Variants in MYO5B observed in about 807,000 individuals in gnomAD.
MYO5B encodes myosin VB, also known as unconventional myosin-Vb.
Under a neutral mutation model 229.3 loss-of-function variants are expected in MYO5B, and 143 were observed. The ratio of observed to expected loss-of-function variants is 0.62; its 90% CI spans 0.54 to 0.72. The LOEUF (loss-of-function observed/expected upper bound fraction) is 0.72. Among genes scored for constraint, MYO5B ranks in the 30% least tolerant of loss-of-function variants. The probability of loss-of-function intolerance (pLI) is 0.00; values close to 1 mark genes in which losing one functional copy is unlikely to be tolerated. For missense variants in MYO5B, 2,321 were observed against 2,331.0 expected (o/e 1.00, Z 0.09); for synonymous variants, 918 against 885.2 (o/e 1.04, Z -0.66).
At chr18:49,940,186 A>C (rs2025298757) in intron 14 of MYO5B, among the ~76,000 whole-genome samples, 1 of 152,242 alleles carries the variant, frequency 6.6e-6, no homozygotes, top group Non-Finnish European at 1.5e-5. Flanking sequence ...AGGTGAATTC[A>C]AAAAGTCCTA....
intron 38 of MYO5B, among the ~76,000 whole-genome samples, chr18:49,836,191 T>C (rs2023985108): frequency 6.6e-6 from 1 of 152,222 alleles, no homozygotes; most frequent in South Asian, 2.1e-4. Context: ...TTATACATTT[T>C]TTAGGGAAAA....
chr18:50,002,335 C>T (rs1487915516), intron 4 of MYO5B, among the ~76,000 whole-genome samples: 1 of 152,112 alleles, frequency 6.6e-6, no homozygotes, highest in Non-Finnish European at 1.5e-5. Context: ...TCAGACAGAA[C>T]AGAGGGCAGG....
At chr18:50,054,435 G>A (rs1378840320) in intron 2 of MYO5B, among the ~76,000 whole-genome samples, 1 of 152,146 alleles carries the variant, frequency 6.6e-6, no homozygotes, top group Non-Finnish European at 1.5e-5. Flanking sequence ...TCCCTTTTGT[G>A]TTCATGTTCA....
At chr18:49,949,579 G>C (rs62098860) in intron 14 of MYO5B, among the ~76,000 whole-genome samples, 1 of 152,042 alleles carries the variant, frequency 6.6e-6, no homozygotes, top group Admixed American at 6.5e-5. Flanking sequence ...CCCTTTGGTT[G>C]GTAGAGTATA....
At chr18:50,180,673 T>A (rs1236208766) in intron 1 of MYO5B, among the ~76,000 whole-genome samples, 2 of 152,248 alleles carry the variant, frequency 1.3e-5, no homozygotes, top group African/African-American at 4.8e-5. Context: ...CTTGAAAGAC[T>A]GAAATTCTGT....
intron 1 of MYO5B, among the ~76,000 whole-genome samples, chr18:50,120,159 G>A (rs935734051): frequency 2.0e-5 from 3 of 152,180 alleles, no homozygotes; most frequent in Admixed American, 1.3e-4. Flanking sequence ...AAGACTTATC[G>A]AGCAGTGCTT....
At chr18:50,005,608 G>A (rs2026093110) in intron 4 of MYO5B, among the ~76,000 whole-genome samples, 1 of 152,168 alleles carries the variant, frequency 6.6e-6, no homozygotes, top group Non-Finnish European at 1.5e-5. Context: ...GTAGAGATGG[G>A]GTTTTGCCTT....
At chr18:50,159,012 C>A (rs565307555) in intron 1 of MYO5B, among the ~76,000 whole-genome samples, 1 of 152,182 alleles carries the variant, frequency 6.6e-6, no homozygotes, top group Non-Finnish European at 1.5e-5. Flanking sequence ...CCTGCAAATT[C>A]TACAGCTCCT....
chr18:50,180,541 T>C (rs2033058650), intron 1 of MYO5B, among the ~76,000 whole-genome samples: 2 of 152,228 alleles, frequency 1.3e-5, no homozygotes, highest in East Asian at 3.8e-4. Context: ...GTTTTTACAT[T>C]GTGGTAAGAT....
chr18:49,954,351 A>G lies in MYO5B; in HGVS notation c.1630T>C (p.Ser544Pro). ...SSQHFQKPRM[S>P]NTAFIIVHFA... ...TGGACGATGATGAAGGCCGTGTTGG[A>G]CATGCGGGGCTTCTGGAAGTGCTGG... Residue 544 changes from serine (S) to proline (P), a missense_variant, in exon 13 of 40, where the codon TCC (serine) becomes CCC (proline). Transcript: ENST00000285039. 1 of 1,614,020 alleles carries G rather than the reference A, an allele frequency of 6.2e-7. No homozygotes were observed. Among genetic ancestry groups the G allele is most frequent in the Non-Finnish European group, 8.5e-7 (1 of 1,179,954 alleles).
At chr18:49,831,418 A>G (rs1242827271) in intron 39 of MYO5B, among the ~76,000 whole-genome samples, 1 of 152,230 alleles carries the variant, frequency 6.6e-6, no homozygotes, top group Non-Finnish European at 1.5e-5. Flanking sequence ...ACAACTCAAT[A>G]TCAAAAAGAC....
At chr18:50,010,960 C>T (rs1034597434) in intron 4 of MYO5B, among the ~76,000 whole-genome samples, 1 of 152,220 alleles carries the variant, frequency 6.6e-6, no homozygotes, top group African/African-American at 2.4e-5. Context: ...CTATACCACA[C>T]TGTCTCTTTG....
At chr18:49,934,505 C>A (rs117965270) in intron 16 of MYO5B, among the ~76,000 whole-genome samples, 2 of 152,202 alleles carry the variant, frequency 1.3e-5, no homozygotes, top group African/African-American at 4.8e-5. Flanking sequence ...AGCAGGGACA[C>A]GCTCTGATGA....
intron 1 of MYO5B, among the ~76,000 whole-genome samples, chr18:50,059,038 A>G (rs1266227449): frequency 1.3e-5 from 2 of 152,074 alleles, no homozygotes; most frequent in East Asian, 1.9e-4. Context: ...AAATTCTTCT[A>G]TGATTATCTT....
Position 49,875,675 on chromosome 18 carries a change from C to A in MYO5B, c.3537+12G>T, listed in dbSNP as rs141286788. 2 of 1,614,040 alleles carry A rather than the reference C, an allele frequency of 1.2e-6. No homozygotes were observed. The highest frequency in any genetic ancestry group is 2.7e-5 in the African/African-American group (2 of 75,000). ...CCAAGCACCATAAGAGCACTGCAGC[C>A]CCTTCACGTACCTGGACTTTCTTGC... is the stretch of plus-strand genomic sequence containing the variant. On this transcript the variant is annotated intron_variant, in intron 26 of 39. Transcript: ENST00000285039.
chr18:50,096,575 A>T (rs568621833), intron 1 of MYO5B, among the ~76,000 whole-genome samples: 2 of 152,230 alleles, frequency 1.3e-5, no homozygotes, highest in South Asian at 4.2e-4. Flanking sequence ...CTTAGTCTGT[A>T]TTGAAAGCCA....
In MYO5B at chr18:49,937,247, G is replaced by C; in HGVS notation, c.1903C>G (p.Gln635Glu). Residue 635 changes from glutamine to glutamate, a missense_variant and splice_region_variant, in exon 15 of 40, where the codon CAG becomes GAG. Transcript: ENST00000285039. ...ATAGCTTTTGGTCCGGGGCTGACCT[G>C]GTGGCCAACGGTTTTCTTGTGCTCC... Reference protein sequence around the residue: ...NKEHKKTVGHQFRTSLHLLME... With the variant: ...NKEHKKTVGHEFRTSLHLLME... 1.2e-6 allele frequency: 2 copies of C among 1,614,084 alleles called. No individual in the cohort carries two copies. The highest frequency in any genetic ancestry group is 1.7e-6 in the Non-Finnish European group (2 of 1,179,948).
At chr18:50,023,919 T>C (rs532745042) in intron 4 of MYO5B, among the ~76,000 whole-genome samples, 1 of 152,082 alleles carries the variant, frequency 6.6e-6, no homozygotes, top group Admixed American at 6.5e-5. Flanking sequence ...GCCTTCCAAC[T>C]TCAGAAAGAA....
chr18:49,837,876 T>C (rs1283291464), intron 36 of MYO5B, 74 bp from the exon 37 acceptor site: 11 of 1,552,318 alleles, frequency 7.1e-6, no homozygotes, highest in Non-Finnish European at 8.9e-6. Flanking sequence ...TCAAATCATT[T>C]AGTGCTCCGG....
Sources: gnomAD v4.1 joint callset for allele counts (sites outside exome capture counted in the v4.1 genomes callset) on GRCh38, gnomAD v4.1.1 for gene constraint, MANE v1.5 for transcripts, NCBI Gene and HGNC (gene_info 2026-07-23, HGNC 2026-07-21) for gene names.